The following LMO3 variants were observed in gnomAD, a reference collection of about 807,000 sequenced individuals.
LMO3 encodes LIM domain only protein 3.
In LMO3, 2 loss-of-function variants were observed where a neutral mutation model predicts 15.8. The observed-to-expected ratio is 0.13, with a 90% CI of 0.05 to 0.40. The LOEUF (loss-of-function observed/expected upper bound fraction) is 0.40, where lower values mean the gene tolerates loss of function less well. LMO3 is among the 10% of genes least tolerant of loss of function. LMO3 has a pLI of 0.99. For missense variants in LMO3, 86 were observed against 182.2 expected, an observed-to-expected ratio of 0.47 and a Z score of 3.04; for synonymous variants, 62 against 63.8, an observed-to-expected ratio of 0.97 and a Z score of 0.13.
intron 1 of LMO3, chr12:16,605,532 G>A (rs987313905): frequency 3.8e-5 from 19 of 499,126 alleles, no homozygotes; most frequent in Non-Finnish European, 5.4e-5. Context: ...AGGCAGAAGC[G>A]TCAACAAGGA....
chr12:16,581,270 G>A (rs1046304869), intron 2 of LMO3, among the ~76,000 whole-genome samples: 1 of 152,134 alleles, frequency 6.6e-6, no homozygotes, highest in African/African-American at 2.4e-5. Context: ...CAGTCACACT[G>A]TCTGGATTTG....
intron 3 of LMO3, among the ~76,000 whole-genome samples, chr12:16,554,638 C>CTTTA (rs1359481463): frequency 6.6e-6 from 1 of 152,140 alleles, no homozygotes; most frequent in Non-Finnish European, 1.5e-5. Context: ...GTTTACCTTA[C>CTTTA]TTTAAGTCCA....
rs749748207 is a variant in LMO3 at position 16,589,384 on chromosome 12, T to C, written c.206+11271A>G. 6.6e-6 allele frequency: 1 copy of C among 152,126 alleles called. No individual in the cohort carries two copies. Among genetic ancestry groups the C allele is most frequent in the Non-Finnish European group, 1.5e-5 (1 of 68,014 alleles). 9.4% of individuals were successfully genotyped at this position (152,126 alleles called of 1,614,324 possible). A position where few individuals can be genotyped will look rare whatever the true frequency, so the allele number is the denominator to read the frequency against. ...ACTGTACATATTACTATGAGTGCAG[T>C]ATAAGCTTGTGGCTTTACTTTTACT... On this transcript the variant is annotated intron_variant, in intron 2 of 3. Transcript: ENST00000537304. The surrounding 1 kb of genome is among the most constrained non-coding windows in gnomAD (Gnocchi z 4.2).
rs1943371572 is a variant in LMO3 at position 16,587,925 on chromosome 12, T to A, written c.206+12730A>T. On this transcript the variant is annotated intron_variant, in intron 2 of 3. Coordinates refer to ENST00000537304, the MANE Select transcript of LMO3 (RefSeq NM_018640.5). The surrounding 1 kb of genome is among the most constrained non-coding windows in gnomAD (Gnocchi z 4.3). ...ATTTCTCATGAAAGAAAACCTTGAT[T>A]TAATTTTAAATGAACAAAACAAGGA... Among the ~76,000 whole-genome samples, 1 of 152,134 alleles carries A rather than the reference T, an allele frequency of 6.6e-6. No homozygotes were observed. Among genetic ancestry groups the A allele is most frequent in the South Asian group, 2.1e-4 (1 of 4,834 alleles).
intron 2 of LMO3, among the ~76,000 whole-genome samples, chr12:16,583,431 T>C (rs933133901): frequency 1.3e-5 from 2 of 151,988 alleles, no homozygotes; most frequent in African/African-American, 4.8e-5. Context: ...AGTCAAGTAA[T>C]TGTAGAAAAG....
chr12:16,600,437 A>ATCTCGGTGGTC, intron 2 of LMO3: 1 of 537,704 alleles, frequency 1.9e-6, no homozygotes, highest in Admixed American at 3.4e-5. Flanking sequence ...TGTGCAGGCA[A>ATCTCGGTGGTC]GCCAAATTGA....
intron 2 of LMO3, among the ~76,000 whole-genome samples, chr12:16,575,105 G>A (rs990645073): frequency 1.5e-4 from 23 of 152,176 alleles, no homozygotes; most frequent in African/African-American, 5.6e-4. Context: ...ACAGTATTAT[G>A]TAACCTGGTA....
rs2302690 is a variant in LMO3, at chr12:16,560,611, T to C, written c.207-73A>G. ...TCTGAGATCGTGAAGAGAGATGATG[T>C]TAATATACTCTGTAAAGCTACAATA... is the stretch of plus-strand genomic sequence containing the variant. On this transcript the variant is annotated intron_variant, in intron 2 of 3. Coordinates refer to ENST00000537304, the MANE Select transcript of LMO3 (RefSeq NM_018640.5). This position sits in a 1 kb window ranked among gnomAD's most constrained non-coding sequence, Gnocchi z 5.0. The C allele has an allele frequency of 0.37, 491,531 of 1,345,566 alleles. 91,043 individuals carry two copies. The highest frequency in any genetic ancestry group is 0.49 in the African/African-American group (33,593 of 68,902). 83.4% of individuals were successfully genotyped at this position (1,345,566 alleles called of 1,614,324 possible).
At chr12:16,553,688 T>C (rs1942077272) in intron 3 of LMO3, among the ~76,000 whole-genome samples, 1 of 152,162 alleles carries the variant, frequency 6.6e-6, no homozygotes, top group Non-Finnish European at 1.5e-5. Flanking sequence ...TTACGACTGG[T>C]ATGCAATTAA....
intron 3 of LMO3, among the ~76,000 whole-genome samples, chr12:16,551,838 G>GTGAT (rs1466412809): frequency 6.6e-6 from 1 of 151,942 alleles, no homozygotes; most frequent in Admixed American, 6.6e-5. Context: ...TTATTAAAAT[G>GTGAT]TGATTAAATG....
At chr12:16,579,681 C>A (rs1943099451) in intron 2 of LMO3, among the ~76,000 whole-genome samples, 1 of 152,212 alleles carries the variant, frequency 6.6e-6, no homozygotes, top group Non-Finnish European at 1.5e-5. Flanking sequence ...TCAACCCCAC[C>A]TAGCCTACTA....
chr12:16,574,703 G>A (rs1442413965), intron 2 of LMO3, among the ~76,000 whole-genome samples: 2 of 152,160 alleles, frequency 1.3e-5, no homozygotes, highest in African/African-American at 2.4e-5. Flanking sequence ...AAAATGGCTT[G>A]TTTCCAACCG....
intron 3 of LMO3, among the ~76,000 whole-genome samples, chr12:16,551,634 A>G (rs1338219938): frequency 6.6e-6 from 1 of 151,944 alleles, no homozygotes; most frequent in African/African-American, 2.4e-5. Context: ...AAAAAAATAA[A>G]AAGAACTGAT....
intron 2 of LMO3, among the ~76,000 whole-genome samples, chr12:16,572,656 T>A (rs1942855884): frequency 1.3e-5 from 2 of 148,204 alleles, no homozygotes; most frequent in South Asian, 2.1e-4. Flanking sequence ...TTAAGTCAGT[T>A]ACCTCTGACT....
chr12:16,578,681 G>T (rs866092087), intron 2 of LMO3, among the ~76,000 whole-genome samples: 7 of 152,018 alleles, frequency 4.6e-5, no homozygotes, highest in African/African-American at 1.7e-4. Context: ...AGCCAGGTGT[G>T]GTGGTGCATG....
Position 16,596,180 on chromosome 12 carries a change from GTTA to G in LMO3, c.206+4472_206+4474del, listed in dbSNP as rs1236546437. ...ATTTATTTTTATTTTCTCTTTTAGA[GTTA>G]TTATATTATTATATTAAAGCCTATA... is the stretch of plus-strand genomic sequence containing the variant. On this transcript the variant is annotated intron_variant, in intron 2 of 3. Transcript: ENST00000537304. The surrounding 1 kb of genome is among the most constrained non-coding windows in gnomAD (Gnocchi z 4.3). 6.6e-6 allele frequency among the ~76,000 whole-genome samples: 1 copy of G among 151,404 alleles called. No homozygotes were observed. The highest frequency in any genetic ancestry group is 1.5e-5 in the Non-Finnish European group (1 of 67,514).
At chr12:16,595,957 G>T (rs1261146325) in intron 2 of LMO3, among the ~76,000 whole-genome samples, 3 of 151,198 alleles carry the variant, frequency 2.0e-5, no homozygotes, top group Non-Finnish European at 4.4e-5. Context: ...AAAGAAAAAA[G>T]AATGAATATT....
Position 16,603,385 on chromosome 12 carries a change from T to TA in LMO3, c.-8-2518dup, listed in dbSNP as rs761399795. Reference sequence around the variant, plus strand: ...ATTTTGTAGTCACCATGTTACCGTGTACTTAAAAGGCATAAAGCAGTCAGC... The same window carrying TA: ...ATTTTGTAGTCACCATGTTACCGTGTAACTTAAAAGGCATAAAGCAGTCAGC... On this transcript the variant is annotated intron_variant, in intron 1 of 3. Transcript: ENST00000537304. The surrounding 1 kb of genome is among the most constrained non-coding windows in gnomAD (Gnocchi z 4.9). Among the ~76,000 whole-genome samples, 5 of 152,356 alleles carry TA rather than the reference T, an allele frequency of 3.3e-5. No homozygotes were observed. The highest frequency in any genetic ancestry group is 7.3e-5 in the Non-Finnish European group (5 of 68,048).
chr12:16,554,313 C>T (rs778032836), intron 3 of LMO3, among the ~76,000 whole-genome samples: 2 of 152,172 alleles, frequency 1.3e-5, no homozygotes, highest in Non-Finnish European at 2.9e-5. Context: ...ATCTTCTTTC[C>T]CTAATGTTAG....
Sources: gnomAD v4.1 joint callset for allele counts (sites outside exome capture counted in the v4.1 genomes callset) on GRCh38, gnomAD v4.1.1 for gene constraint, Gnocchi (gnomAD v3.1) non-coding constraint, MANE v1.5 for transcripts, NCBI Gene and HGNC (gene_info 2026-07-23, HGNC 2026-07-21) for gene names.